Variants in DNAH17 observed in about 807,000 individuals in gnomAD.
DNAH17 encodes axonemal beta dynein heavy chain 17.
In DNAH17, 376 loss-of-function variants were observed where a neutral mutation model predicts 485.6. The observed-to-expected ratio is 0.77, with a 90% CI of 0.71 to 0.84. DNAH17 has a LOEUF of 0.84. Among genes scored for constraint, DNAH17 ranks in the 40% least tolerant of loss-of-function variants. The pLI, the probability that DNAH17 is intolerant of heterozygous loss-of-function variation, is 0.00. For missense variants in DNAH17, 6,370 were observed against 5,839.3 expected (o/e 1.09, Z -2.96); for synonymous variants, 3,031 against 2,405.9 (o/e 1.26, Z -7.60).
In DNAH17 at chr17:78,453,335, C is replaced by A. The variant is rs567822043; in HGVS notation, c.10529+8G>T. 3.7e-5 allele frequency: 59 copies of A among 1,600,978 alleles called. 1 individual carries two copies. The South Asian group carries it at 6.4e-4, about 17-fold the overall frequency. ...CTGGCTCAAGCCACGGAGGCGGAAACAACTCACTTTCCCTTTTTAATCGTG... is the reference window on the plus strand; with the variant it reads ...CTGGCTCAAGCCACGGAGGCGGAAAAAACTCACTTTCCCTTTTTAATCGTG... On this transcript the variant is annotated splice_region_variant and intron_variant, in intron 65 of 80. Coordinates refer to ENST00000389840, the MANE Select transcript of DNAH17 (RefSeq NM_173628.4).
intron 75 of DNAH17, among the ~76,000 whole-genome samples, chr17:78,432,170 CCT>C (rs1348143842): frequency 6.9e-6 from 1 of 144,154 alleles, no homozygotes; most frequent in African/African-American, 2.6e-5. Context: ...ACAGTGAGGC[CCT>C]GTCTCAAAAA....
intron 38 of DNAH17, among the ~76,000 whole-genome samples, chr17:78,495,523 C>T (rs549740040): frequency 9.2e-5 from 14 of 151,828 alleles, no homozygotes; most frequent in Admixed American, 8.5e-4. Context: ...CTGCAACCTC[C>T]GCCTCCCAGG....
intron 11 of DNAH17, among the ~76,000 whole-genome samples, chr17:78,563,527 C>G (rs981081173): frequency 1.3e-5 from 2 of 152,150 alleles, no homozygotes; most frequent in African/African-American, 2.4e-5. Flanking sequence ...ACAACCGACA[C>G]ACCTGTAATC....
chr17:78,460,360 A>ATGTG, intron 58 of DNAH17, 103 bp from the exon 59 acceptor site: 1 of 151,512 alleles, frequency 6.6e-6, no homozygotes, highest in Admixed American at 1.7e-4. Context: ...GTGTGCATGT[A>ATGTG]TGCACGTGCA....
intron 54 of DNAH17, among the ~76,000 whole-genome samples, chr17:78,473,413 G>A (rs1046739443): frequency 6.6e-5 from 10 of 152,024 alleles, no homozygotes; most frequent in African/African-American, 1.7e-4. Flanking sequence ...GCGTGGTGGC[G>A]GGCGCGTGTA....
intron 3 of DNAH17, 65 bp downstream of exon 3, chr17:78,572,624 AGTGGGGTGGGGG>A (rs2092375814): frequency 8.7e-7 from 1 of 1,154,638 alleles, no homozygotes; most frequent in Non-Finnish European, 1.1e-6. Flanking sequence ...AGTGGGGTGG[AGTGGGGTGGGGG>A]GTGGGGGTCA....
In DNAH17 at chr17:78,510,663, A is replaced by C. The variant is rs2090610081; in HGVS notation, c.4114-157T>G. On this transcript the variant is annotated intron_variant, in intron 26 of 80. Transcript: ENST00000389840. ...CTGCTCTGCCATTTTCAGCTCTGAG[A>C]CTTGAGGAAGTGACTTCTCCAAGCC... 8 of 956,288 alleles carry C rather than the reference A, an allele frequency of 8.4e-6. No homozygotes were observed. The South Asian group carries it at 1.3e-4, about 15-fold the overall frequency. The allele number at this position is 956,288 out of a possible 1,614,324, so 59.2% of individuals were successfully genotyped here. A position where few individuals can be genotyped will look rare whatever the true frequency, so the allele number is the denominator to read the frequency against.
intron 58 of DNAH17, among the ~76,000 whole-genome samples, chr17:78,461,197 G>A (rs935823858): frequency 6.6e-6 from 1 of 152,128 alleles, no homozygotes; most frequent in Non-Finnish European, 1.5e-5. Context: ...CTCACGGATC[G>A]CGGGCATTTC....
intron 40 of DNAH17, 54 bp downstream of exon 40, chr17:78,494,539 A>G (rs1318263777): frequency 5.7e-6 from 9 of 1,567,072 alleles, no homozygotes; most frequent in South Asian, 1.1e-5. Context: ...AGTGGGAAGG[A>G]AGCCCCAGCC....
chr17:78,423,700 G>C lies in DNAH17; in HGVS notation c.*206C>G. 1.6e-6 allele frequency: 1 copy of C among 616,700 alleles called. No individual in the cohort carries two copies. The highest frequency in any genetic ancestry group is 2.0e-5 in the South Asian group (1 of 50,192). 38.2% of individuals were successfully genotyped at this position (616,700 alleles called of 1,614,324 possible). A position where few individuals can be genotyped will look rare whatever the true frequency, so the allele number is the denominator to read the frequency against. On this transcript the variant is annotated 3_prime_UTR_variant, in exon 81 of 81. Transcript: ENST00000389840. ...GCACAGAATGGATGGGCACAGCTGAGTGGCTCCACTGGCTTTAATCTGCCC... is the reference window on the plus strand; with the variant it reads ...GCACAGAATGGATGGGCACAGCTGACTGGCTCCACTGGCTTTAATCTGCCC...
chr17:78,535,190 A>G (rs1050043655), intron 19 of DNAH17, among the ~76,000 whole-genome samples: 36 of 152,166 alleles, frequency 2.4e-4, no homozygotes, highest in Non-Finnish European at 4.4e-5. Context: ...GGTGCCCAAG[A>G]GCAGCCTGCT....
intron 14 of DNAH17, among the ~76,000 whole-genome samples, chr17:78,557,635 T>C (rs2092053750): frequency 8.6e-5 from 2 of 23,230 alleles, no homozygotes; most frequent in African/African-American, 2.6e-4. Flanking sequence ...TGAGACTGTC[T>C]CAAAAAAAAA....
intron 14 of DNAH17, among the ~76,000 whole-genome samples, chr17:78,553,754 T>C (rs1273522488): frequency 6.6e-6 from 1 of 152,226 alleles, no homozygotes; most frequent in Non-Finnish European, 1.5e-5. Context: ...TTCTAGCCCA[T>C]ACCATGACTA....
chr17:78,438,071 C>G (rs756744746), intron 73 of DNAH17, among the ~76,000 whole-genome samples: 2 of 152,178 alleles, frequency 1.3e-5, no homozygotes, highest in Non-Finnish European at 1.5e-5. Flanking sequence ...GGCGAAGCAA[C>G]TGAGGCCCCA....
intron 68 of DNAH17, 93 bp from the exon 69 acceptor site, chr17:78,449,677 C>CAG: frequency 7.6e-7 from 1 of 1,321,788 alleles, no homozygotes; most frequent in Non-Finnish European, 1.0e-6. Flanking sequence ...TGGTGGCCTC[C>CAG]AGTTTGTTTT....
rs769959300 is a variant in DNAH17, at chr17:78,441,056, G to A, written c.11672C>T (p.Ala3891Val). Reference sequence around the variant, plus strand: ...CACTTGCCTGCTACACTTACCCAGGGCTTCCACGTCTTTCAAGGGGTCAAC... The same window carrying A: ...CACTTGCCTGCTACACTTACCCAGGACTTCCACGTCTTTCAAGGGGTCAAC... The part of the protein sequence containing the change: ...PGVDPLKDVE[A>V]LGKKLGFTID... The change falls in exon 72 of 81, where the codon GCC becomes GTC. Residue 3891 changes from alanine (A) to valine (V), a missense_variant. Coordinates refer to ENST00000389840, the MANE Select transcript of DNAH17 (RefSeq NM_173628.4). 6.3e-7 allele frequency: 1 copy of A among 1,586,340 alleles called. No individual in the cohort carries two copies. Among genetic ancestry groups the A allele is most frequent in the African/African-American group, 1.3e-5 (1 of 74,488 alleles).
chr17:78,554,971 T>G (rs573785934), intron 14 of DNAH17, among the ~76,000 whole-genome samples: 2 of 152,282 alleles, frequency 1.3e-5, no homozygotes, highest in South Asian at 4.1e-4. Flanking sequence ...GGCCTCGAAC[T>G]CCTGACCTCA....
At chr17:78,503,072 T>G in intron 31 of DNAH17, 61 bp from the exon 32 acceptor site, 1 of 1,528,674 alleles carries the variant, frequency 6.5e-7, no homozygotes, top group Non-Finnish European at 8.8e-7. Context: ...GTTCCAATAA[T>G]TTTGTTTGTA....
chr17:78,470,417 C>T (rs1326507699), intron 54 of DNAH17, among the ~76,000 whole-genome samples: 1 of 150,464 alleles, frequency 6.6e-6, no homozygotes, highest in African/African-American at 2.4e-5. Flanking sequence ...AGGCCGGGCA[C>T]GGTGGCTCAC....
Sources: allele counts gnomAD v4.1 joint callset (sites outside exome capture counted in the v4.1 genomes callset), GRCh38; gene constraint gnomAD v4.1.1; transcripts MANE v1.5; gene names NCBI Gene and HGNC (gene_info 2026-07-23, HGNC 2026-07-21).